The following SPAG17 variants were observed in gnomAD, a reference collection of about 807,000 sequenced individuals.
SPAG17 encodes sperm associated antigen 17.
SPAG17 carries 169 observed loss-of-function variants against 273.6 expected under a neutral mutation model. The observed-to-expected ratio is 0.62, with a 90% CI of 0.55 to 0.70. SPAG17 has a LOEUF of 0.70. SPAG17 is among the 30% of genes least tolerant of loss of function. The pLI is 0.00. For synonymous variants in SPAG17, 825 were observed against 873.2 expected (o/e 0.94, Z 0.97); for missense variants, 2,557 against 2,627.8 (o/e 0.97, Z 0.59).
At chr1:118,078,132 A>G (rs764827808) in intron 15 of SPAG17, among the ~76,000 whole-genome samples, 6 of 152,066 alleles carry the variant, frequency 3.9e-5, no homozygotes, top group Non-Finnish European at 7.4e-5. Flanking sequence ...ATTCACTCCA[A>G]TTGCCTCCTC....
intron 20 of SPAG17, among the ~76,000 whole-genome samples, chr1:118,053,298 G>T (rs1402081900): frequency 6.6e-6 from 1 of 151,958 alleles, no homozygotes; most frequent in Non-Finnish European, 1.5e-5. Flanking sequence ...AATCAACTTT[G>T]TTTAAATGTT....
intron 13 of SPAG17, among the ~76,000 whole-genome samples, chr1:118,084,775 G>A (rs2102160781): frequency 6.6e-6 from 1 of 152,272 alleles, no homozygotes; most frequent in East Asian, 1.9e-4. Flanking sequence ...TAAGGAAATT[G>A]TGTTCTACTG....
chr1:118,050,153 G>A (rs1438407453), intron 20 of SPAG17, among the ~76,000 whole-genome samples: 3 of 152,104 alleles, frequency 2.0e-5, no homozygotes, highest in African/African-American at 2.4e-5. Context: ...GCAGGCCACC[G>A]CACATGTGGA....
chr1:118,070,524 G>A (rs899767428), intron 17 of SPAG17, among the ~76,000 whole-genome samples: 11 of 152,060 alleles, frequency 7.2e-5, no homozygotes, highest in African/African-American at 2.4e-4. Flanking sequence ...TGGACCCAAC[G>A]CACACTGACA....
chr1:118,160,943 A>AG (rs1441843447), intron 1 of SPAG17, among the ~76,000 whole-genome samples: 4 of 152,142 alleles, frequency 2.6e-5, no homozygotes, highest in African/African-American at 9.7e-5. Context: ...ATAACTCCCT[A>AG]GGGGTGTGTC....
At chr1:118,023,960 C>G (rs928494018) in intron 27 of SPAG17, among the ~76,000 whole-genome samples, 1 of 152,124 alleles carries the variant, frequency 6.6e-6, no homozygotes, top group African/African-American at 2.4e-5. Flanking sequence ...ATGACAAGGA[C>G]CAACGTCACT....
intron 48 of SPAG17, among the ~76,000 whole-genome samples, chr1:117,958,394 T>C (rs1433974512): frequency 6.6e-6 from 1 of 152,226 alleles, no homozygotes; most frequent in Non-Finnish European, 1.5e-5. Context: ...GGGTTGCTGG[T>C]TCTACGAGTA....
chr1:117,969,440 G>C (rs983440973), intron 46 of SPAG17, among the ~76,000 whole-genome samples: 1 of 152,090 alleles, frequency 6.6e-6, no homozygotes, highest in African/African-American at 2.4e-5. Flanking sequence ...TTAGCCGGAC[G>C]TGGTGGCATG....
chr1:118,152,752 G>A (rs1407401872), intron 1 of SPAG17, among the ~76,000 whole-genome samples: 1 of 152,156 alleles, frequency 6.6e-6, no homozygotes, highest in Non-Finnish European at 1.5e-5. Context: ...GGGGAAGACT[G>A]ACCATTTATT....
chr1:117,980,391 C>T (rs1655657561), intron 43 of SPAG17, among the ~76,000 whole-genome samples: 2 of 152,132 alleles, frequency 1.3e-5, no homozygotes, highest in Middle Eastern at 3.4e-3. Flanking sequence ...GCCACCATGC[C>T]CAGCTAATTT....
At chr1:118,019,269 G>A (rs962217661) in intron 28 of SPAG17, among the ~76,000 whole-genome samples, 4 of 151,770 alleles carry the variant, frequency 2.6e-5, no homozygotes, top group African/African-American at 9.7e-5. Flanking sequence ...GAAATAAAAA[G>A]GGGCCAAAAA....
chr1:117,993,860 TA>T (rs1238770465), intron 35 of SPAG17, among the ~76,000 whole-genome samples: 1 of 152,200 alleles, frequency 6.6e-6, no homozygotes, highest in Non-Finnish European at 1.5e-5. Context: ...CAAGATATTT[TA>T]TTTTTTTAAA....
At chr1:117,994,297 A>T (rs530026452) in intron 35 of SPAG17, 109 bp downstream of exon 35, 3 of 1,210,810 alleles carry the variant, frequency 2.5e-6, no homozygotes, top group East Asian at 5.3e-5. Context: ...AAAAATTTAC[A>T]TAAGAATGAA....
intron 1 of SPAG17, among the ~76,000 whole-genome samples, chr1:118,178,621 C>A (rs1660803415): frequency 6.6e-6 from 1 of 151,870 alleles, no homozygotes; most frequent in African/African-American, 2.4e-5. Flanking sequence ...GAAGGACATC[C>A]AAATTGAAAA....
chr1:118,040,602 G>T, intron 22 of SPAG17, 128 bp downstream of exon 22: 1 of 645,488 alleles, frequency 1.5e-6, no homozygotes. Flanking sequence ...TGCTGACTGT[G>T]GCACCTAAAT....
At chr1:118,128,053 C>T (rs183009481) in intron 3 of SPAG17, among the ~76,000 whole-genome samples, 97 of 151,628 alleles carry the variant, frequency 6.4e-4, no homozygotes, top group Admixed American at 1.4e-3. Flanking sequence ...ATCCCGGAGG[C>T]GGATGTTGCA....
intron 48 of SPAG17, among the ~76,000 whole-genome samples, chr1:117,954,892 C>T (rs1651941637): frequency 6.6e-6 from 1 of 152,020 alleles, no homozygotes; most frequent in Non-Finnish European, 1.5e-5. Context: ...TGTCCAAAGC[C>T]CTCTGAAGAT....
At chr1:118,007,372 C>T (rs1175128472) in intron 31 of SPAG17, among the ~76,000 whole-genome samples, 1 of 152,178 alleles carries the variant, frequency 6.6e-6, no homozygotes, top group Admixed American at 6.5e-5. Context: ...CTCTCAGTAT[C>T]TAGTGACATT....
intron 1 of SPAG17, among the ~76,000 whole-genome samples, chr1:118,170,218 C>T (rs1456725687): frequency 2.0e-5 from 3 of 152,072 alleles, no homozygotes; most frequent in Non-Finnish European, 4.4e-5. Context: ...ATGCCTAAAA[C>T]CATGCTAATT....
Sources: gnomAD v4.1 joint callset for allele counts (sites outside exome capture counted in the v4.1 genomes callset) on GRCh38, gnomAD v4.1.1 for gene constraint, MANE v1.5 for transcripts, NCBI Gene and HGNC (gene_info 2026-07-23, HGNC 2026-07-21) for gene names.